Variants in MDN1 observed in about 807,000 individuals in gnomAD.
The protein encoded by MDN1 is midasin AAA ATPase 1.
A neutral mutation model predicts 669.2 loss-of-function variants in MDN1; 266 were observed. That is an observed-to-expected ratio of 0.40 (90% CI 0.36 to 0.44). The LOEUF is 0.44. Ranked by LOEUF, MDN1 falls within the 20% of genes least tolerant of loss-of-function variation. The pLI, the probability that MDN1 is intolerant of heterozygous loss-of-function variation, is 1.00. For synonymous variants in MDN1, 2,385 were observed against 2,457.1 expected (o/e 0.97, Z 0.87); for missense variants, 5,940 against 6,754.0 (o/e 0.88, Z 4.22).
intron 5 of MDN1, among the ~76,000 whole-genome samples, chr6:89,790,831 G>A (rs1416297400): frequency 6.6e-6 from 1 of 152,208 alleles, no homozygotes; most frequent in African/African-American, 2.4e-5. Context: ...GACCAGCCTG[G>A]CCAACGTGGT....
Position 89,707,448 on chromosome 6 carries a change from GT to G in MDN1, c.7926del (p.Lys2642AsnfsTer17). On this transcript the variant is annotated frameshift_variant, in exon 52 of 102. Coordinates refer to ENST00000369393, the MANE Select transcript of MDN1 (RefSeq NM_014611.3). LOFTEE classifies it high-confidence loss of function. ...ACCAAATTTGCTTCAGTAAAAACCCGTTTTTCCCGGTCAAGATATATGATTG... is the reference window on the plus strand; with the variant it reads ...ACCAAATTTGCTTCAGTAAAAACCCGTTTTCCCGGTCAAGATATATGATTG... ...NKTIIYLDRE[K>X]RVFTEANLVS... 6.2e-7 allele frequency: 1 copy of G among 1,612,944 alleles called. No homozygotes were observed. Among genetic ancestry groups the G allele is most frequent in the Non-Finnish European group, 8.5e-7 (1 of 1,179,086 alleles).
In MDN1 at chr6:89,700,710, C is replaced by T; in HGVS notation, c.8574G>A (p.Lys2858=). The part of the protein sequence containing the change: ...LQVVASQWTL[K]KSLLQAWGLI... Reference sequence around the variant, plus strand: ...GTCCCCAGGCTTGCAGGAGACTTTTCTTTAATGTCCACTGAGAAGCAACCA... The same window carrying T: ...GTCCCCAGGCTTGCAGGAGACTTTTTTTTAATGTCCACTGAGAAGCAACCA... Residue 2858 remains lysine (K), a synonymous_variant, in exon 56 of 102, where the codon AAG becomes AAA. Coordinates refer to ENST00000369393, the MANE Select transcript of MDN1 (RefSeq NM_014611.3). The T allele has an allele frequency of 6.2e-7, 1 of 1,614,182 alleles. No individual in the cohort carries two copies. The highest frequency in any genetic ancestry group is 8.5e-7 in the Non-Finnish European group (1 of 1,180,020).
intron 32 of MDN1, 102 bp from the exon 33 acceptor site, chr6:89,738,557 C>T: frequency 8.1e-7 from 1 of 1,239,104 alleles, no homozygotes; most frequent in Non-Finnish European, 1.1e-6. Flanking sequence ...CCAGCAAATA[C>T]TACACACTTT....
chr6:89,792,139 A>T (rs1203002832), intron 5 of MDN1, among the ~76,000 whole-genome samples: 2 of 152,084 alleles, frequency 1.3e-5, no homozygotes, highest in African/African-American at 4.8e-5. Flanking sequence ...AAGTGCTGGG[A>T]TTACAAGCGT....
intron 31 of MDN1, among the ~76,000 whole-genome samples, chr6:89,741,918 T>C (rs1007931788): frequency 5.9e-5 from 9 of 151,838 alleles, no homozygotes. Flanking sequence ...CTGGCCAACA[T>C]GGTGAAACCC....
intron 40 of MDN1, among the ~76,000 whole-genome samples, chr6:89,719,489 T>C (rs1397084305): frequency 6.6e-6 from 1 of 152,172 alleles, no homozygotes; most frequent in African/African-American, 2.4e-5. Flanking sequence ...ATAAATTAAA[T>C]TGAAGCCATG....
At chr6:89,792,847 G>T (rs1322106517) in intron 5 of MDN1, among the ~76,000 whole-genome samples, 1 of 151,718 alleles carries the variant, frequency 6.6e-6, no homozygotes, top group Non-Finnish European at 1.5e-5. Context: ...GTGAAATTCC[G>T]TCTCTACTAA....
rs1817538876 is a variant in MDN1 at position 89,761,400 on chromosome 6, C to T, written c.2460+245G>A. ...CATACCGTATTCATAAATCATAACA[C>T]CCTTTTGTACCCCATGAATATATAC... On this transcript the variant is annotated intron_variant, in intron 17 of 101. Transcript: ENST00000369393. Among the ~76,000 whole-genome samples, 3 of 152,208 alleles carry T rather than the reference C, an allele frequency of 2.0e-5. No homozygotes were observed. The South Asian group carries it at 6.2e-4, about 32-fold the overall frequency.
chr6:89,794,501 C>T, intron 3 of MDN1, 76 bp downstream of exon 3: 1 of 1,394,466 alleles, frequency 7.2e-7, no homozygotes, highest in East Asian at 2.3e-5. Context: ...TCCTTTCCCT[C>T]CTGACACACA....
rs117137445 is a variant in MDN1, at chr6:89,684,047, A to G, written c.11830-143T>C. On this transcript the variant is annotated intron_variant, in intron 71 of 101. Coordinates refer to ENST00000369393, the MANE Select transcript of MDN1 (RefSeq NM_014611.3). ...GTCAGTGAACAAGTAAAACAAGTCT[A>G]AAAAAGAAACCATGGGCTAGGCGCG... The G allele has an allele frequency of 8.6e-3, 5,743 of 667,588 alleles. 38 individuals carry two copies. The highest frequency in any genetic ancestry group is 0.012 in the Non-Finnish European group (4,823 of 390,302). 41.4% of individuals were successfully genotyped at this position (667,588 alleles called of 1,614,324 possible).
At chr6:89,665,706 CAAA>C (rs61352567) in intron 84 of MDN1, among the ~76,000 whole-genome samples, 53 of 126,280 alleles carry the variant, frequency 4.2e-4, no homozygotes, top group Middle Eastern at 9.0e-3. Flanking sequence ...GACTCCGTTT[CAAA>C]AAAAAAAAAA....
chr6:89,750,419 G>GT lies in MDN1; in HGVS notation c.3340dup (p.Thr1114AsnfsTer13). Reference sequence around the variant, plus strand: ...ACAACCAATGTACTCCTGAATATCCGTGTGTTCGTGATTATTAATACGCAC... The same window carrying GT: ...ACAACCAATGTACTCCTGAATATCCGTTGTGTTCGTGATTATTAATACGCAC... On this transcript the variant is annotated frameshift_variant, in exon 24 of 102. Transcript: ENST00000369393. LOFTEE classifies it high-confidence loss of function. The GT allele has an allele frequency of 6.2e-7, 1 of 1,613,916 alleles. No homozygotes were observed. Among genetic ancestry groups the GT allele is most frequent in the Non-Finnish European group, 8.5e-7 (1 of 1,179,840 alleles).
chr6:89,680,565 C>T lies in MDN1; in HGVS notation c.12265+24G>A, dbSNP rs1811540302. ...ACTGGGGAAAACAGAAAGATCCACC[C>T]TTGACTTGGATGCTGGCACCCACCT... On this transcript the variant is annotated intron_variant, in intron 74 of 101. Transcript: ENST00000369393. 5 of 1,608,348 alleles carry T rather than the reference C, an allele frequency of 3.1e-6. No individual in the cohort carries two copies. The South Asian group carries it at 3.3e-5, about 11-fold the overall frequency.
intron 84 of MDN1, among the ~76,000 whole-genome samples, chr6:89,665,018 C>G (rs1344899014): frequency 3.3e-5 from 5 of 152,006 alleles, no homozygotes; most frequent in Admixed American, 3.3e-4. Flanking sequence ...TTCTATATTT[C>G]TTCTATAAAA....
Position 89,775,833 on chromosome 6 carries a change from G to A in MDN1, c.1821+767C>T, listed in dbSNP as rs114815924. ...CCCGAGTAGCTGGGATTACAGGCAT[G>A]TGCCACCACACCCAGCTAATTTATT... On this transcript the variant is annotated intron_variant, in intron 12 of 101. Transcript: ENST00000369393. 8.2e-3 allele frequency among the ~76,000 whole-genome samples: 1,241 copies of A among 152,108 alleles called. 24 individuals are homozygous for A. Among genetic ancestry groups the A allele is most frequent in the African/African-American group, 0.029 (1,186 of 41,514 alleles).
At chr6:89,716,924 GAATA>G (rs1283957678) in intron 43 of MDN1, 115 bp from the exon 44 acceptor site, 3 of 1,125,216 alleles carry the variant, frequency 2.7e-6, no homozygotes, top group Non-Finnish European at 3.6e-6. Context: ...TTTCATAAAA[GAATA>G]AATAGAAGAA....
intron 7 of MDN1, among the ~76,000 whole-genome samples, chr6:89,788,884 G>C (rs1819108101): frequency 6.6e-6 from 1 of 152,178 alleles, no homozygotes; most frequent in African/African-American, 2.4e-5. Flanking sequence ...CCAGCACTTT[G>C]GGAGGCTGAG....
chr6:89,728,414 G>T (rs1014670846), intron 36 of MDN1, among the ~76,000 whole-genome samples: 1 of 152,088 alleles, frequency 6.6e-6, no homozygotes, highest in African/African-American at 2.4e-5. Context: ...ATTCTCTCTC[G>T]AAAGAGAATT....
chr6:89,714,551 G>C lies in MDN1; in HGVS notation c.7061C>G (p.Thr2354Ser), dbSNP rs1814193438. The stretch of plus-strand genomic sequence containing the variant: ...AAAGTCAAGCACCTCACCTACAACA[G>C]TGCTCCGGGTCTCTGTGTGTAAAGC... Reference protein sequence around the residue: ...LLALHTETRSTVVGSPTSSVS... With the variant: ...LLALHTETRSSVVGSPTSSVS... The change falls in exon 46 of 102, where the codon ACT (threonine) becomes AGT (serine). Residue 2354 changes from threonine (T) to serine (S), a missense_variant. By Grantham distance (58) the Thr-to-Ser change is moderately conservative. Transcript: ENST00000369393. The C allele has an allele frequency of 4.4e-6, 7 of 1,604,592 alleles. No homozygotes were observed. Among genetic ancestry groups the C allele is most frequent in the Non-Finnish European group, 6.0e-6 (7 of 1,175,258 alleles).
Sources: gnomAD v4.1 joint callset for allele counts (sites outside exome capture counted in the v4.1 genomes callset) on GRCh38, gnomAD v4.1.1 for gene constraint, MANE v1.5 for transcripts, NCBI Gene and HGNC (gene_info 2026-07-23, HGNC 2026-07-21) for gene names.